The following FABP9 variants were observed in gnomAD, a reference collection of about 807,000 sequenced individuals.
FABP9 encodes the protein fatty acid-binding protein 9.
A neutral mutation model predicts 14.7 loss-of-function variants in FABP9; 11 were observed. That is an observed-to-expected ratio of 0.75 (90% CI 0.47 to 1.24). FABP9 has a LOEUF of 1.24. FABP9 is among the 50% of genes most tolerant of loss of function. The pLI is 0.00. For synonymous variants in FABP9, 54 were observed against 50.6 expected, an observed-to-expected ratio of 1.07 and a Z score of -0.29; for missense variants, 171 against 158.2, an observed-to-expected ratio of 1.08 and a Z score of -0.44.
intron 1 of FABP9, among the ~76,000 whole-genome samples, chr8:81,460,143 G>A (rs1203842248): frequency 6.6e-6 from 1 of 152,098 alleles, no homozygotes; most frequent in Admixed American, 6.6e-5. Flanking sequence ...GGGATTACAG[G>A]CACATGCCAC....
chr8:81,460,031 G>A (rs528841143), intron 1 of FABP9, among the ~76,000 whole-genome samples: 21 of 151,700 alleles, frequency 1.4e-4, no homozygotes, highest in East Asian at 9.7e-4. Context: ...ACAGAGTCTC[G>A]CTATGTTGCC....
At chr8:81,459,137 T>C (rs1807645914) in intron 2 of FABP9, 28 bp downstream of exon 2, 3 of 1,558,892 alleles carry the variant, frequency 1.9e-6, no homozygotes, top group Non-Finnish European at 2.6e-6. Flanking sequence ...TTCCTGATTG[T>C]TGAACACCAG....
rs980743160 is a variant in FABP9 at position 81,459,160 on chromosome 8, C to T, written c.246+5G>A. ...TGTTGAACACCAGGAAGAATTAGTT[C>T]TGACCTTTACTTTCCGGTTGTCTGC... On this transcript the variant is annotated splice_donor_5th_base_variant and intron_variant, in intron 2 of 3. Coordinates refer to ENST00000379071, the MANE Select transcript of FABP9 (RefSeq NM_001080526.2). The T allele has an allele frequency of 1.3e-5, 20 of 1,583,648 alleles. No individual in the cohort carries two copies. The highest frequency in any genetic ancestry group is 1.5e-5 in the Non-Finnish European group (17 of 1,170,392).
chr8:81,461,536 G>T lies in FABP9; in HGVS notation c.-13C>A, dbSNP rs761964255. Reference sequence around the variant, plus strand: ...AGGGCTCAACCATCATGGAACACTTGCTGAGAAGAGCCACTCGTAATTGAA... The same window carrying T: ...AGGGCTCAACCATCATGGAACACTTTCTGAGAAGAGCCACTCGTAATTGAA... On this transcript the variant is annotated 5_prime_UTR_variant, in exon 1 of 4. Transcript: ENST00000379071. The T allele has an allele frequency of 6.2e-7, 1 of 1,604,330 alleles. No homozygotes were observed. The highest frequency in any genetic ancestry group is 8.5e-7 in the Non-Finnish European group (1 of 1,171,300).
rs904186932 is a variant in FABP9 at position 81,459,323 on chromosome 8, C to T, written c.88G>A (p.Ala30Thr). The stretch of plus-strand genomic sequence containing the variant: ...TTCACTAACCCTGCCATGTTCCGGG[C>T]TGCGAAATTCACTCCTACAAGACAG... ...YMKELGVNFA[A>T]RNMAGLVKPT... Residue 30 changes from alanine to threonine, a missense_variant, in exon 2 of 4, where the codon GCC becomes ACC. Physicochemically the swap from Ala to Thr is moderately conservative, Grantham distance 58 (BLOSUM62 0). Coordinates refer to ENST00000379071, the MANE Select transcript of FABP9 (RefSeq NM_001080526.2). The T allele has an allele frequency of 4.6e-6, 7 of 1,528,858 alleles. No homozygotes were observed. In the African/African-American group the frequency reaches 7.3e-5, roughly 16 times the overall value. The allele number at this position is 1,528,858 out of a possible 1,614,324, so 94.7% of individuals were successfully genotyped here. A position where few individuals can be genotyped will look rare whatever the true frequency, so the allele number is the denominator to read the frequency against.
At chr8:81,459,020 GC>G in intron 2 of FABP9, 144 bp downstream of exon 2, 1 of 689,830 alleles carries the variant, frequency 1.4e-6, no homozygotes, top group Non-Finnish European at 2.4e-6. Flanking sequence ...AAAATAATTA[GC>G]AAAAGGATTA....
At chr8:81,458,743 C>G in intron 2 of FABP9, 40 bp from the exon 3 acceptor site, 1 of 1,310,520 alleles carries the variant, frequency 7.6e-7, no homozygotes, top group Middle Eastern at 1.8e-4. Flanking sequence ...CAACTCACTA[C>G]CTTCTAACCT....
At position 81,458,566 on chromosome 8, in the gene FABP9, G is replaced by A. The variant is rs776405721; in HGVS notation, c.348+36C>T. ...TAACTTGAAAGGCATGTATCAAATA[G>A]GAACATATAAAGACTTCAATTTAAA... On this transcript the variant is annotated intron_variant, in intron 3 of 3. Coordinates refer to ENST00000379071, the MANE Select transcript of FABP9 (RefSeq NM_001080526.2). 2.0e-6 allele frequency: 3 copies of A among 1,523,334 alleles called. No homozygotes were observed. In the African/African-American group the frequency reaches 4.1e-5, roughly 21 times the overall value. 94.4% of individuals were successfully genotyped at this position (1,523,334 alleles called of 1,614,324 possible). A position where few individuals can be genotyped will look rare whatever the true frequency, so the allele number is the denominator to read the frequency against.
chr8:81,459,973 T>C (rs1227507094), intron 1 of FABP9, among the ~76,000 whole-genome samples: 1 of 135,312 alleles, frequency 7.4e-6, no homozygotes, highest in Non-Finnish European at 1.5e-5. Context: ...ATACTTGACC[T>C]CGCAAGTTTT....
In FABP9 at chr8:81,458,654, A is replaced by C; in HGVS notation, c.296T>G (p.Leu99Arg). The C allele has an allele frequency of 6.2e-7, 1 of 1,613,924 alleles. No individual in the cohort carries two copies. Among genetic ancestry groups the C allele is most frequent in the Non-Finnish European group, 8.5e-7 (1 of 1,179,916 alleles). Residue 99 changes from leucine (L) to arginine (R), a missense_variant, in exon 3 of 4, where the codon CTT becomes CGT. Physicochemically the swap from Leu to Arg is moderately radical, Grantham distance 102. Transcript: ENST00000379071. Reference protein sequence around the residue: ...NGSMIHVQKWLGKETTIKRKI... With the variant: ...NGSMIHVQKWRGKETTIKRKI... ...TCTTTTGATTGTTGTCTCTTTGCCA[A>C]GCCATTTTTGGACGTGAATCATTGA...
rs1423151013 is a variant in FABP9 at position 81,459,212 on chromosome 8, G to A, written c.199C>T (p.Leu67=). 6.3e-7 allele frequency: 1 copy of A among 1,590,652 alleles called. No homozygotes were observed. ...SFQDTKISFK[L]GEEFDETTAD... is the part of the protein sequence containing the mutation. ...GTAGTTTCATCAAATTCTTCCCCCA[G>A]CTTGAAGGAGATCTTAGTGTCCTGG... Residue 67 remains leucine, a synonymous_variant, in exon 2 of 4, where the codon CTG becomes TTG. Transcript: ENST00000379071.
Position 81,461,531 on chromosome 8 carries a change from C to G in FABP9, c.-8G>C, listed in dbSNP as rs769269934. 40 of 1,611,642 alleles carry G rather than the reference C, an allele frequency of 2.5e-5. No individual in the cohort carries two copies. The highest frequency in any genetic ancestry group is 3.3e-5 in the Non-Finnish European group (39 of 1,177,846). Reference sequence around the variant, plus strand: ...CAAGAAGGGCTCAACCATCATGGAACACTTGCTGAGAAGAGCCACTCGTAA... The same window carrying G: ...CAAGAAGGGCTCAACCATCATGGAAGACTTGCTGAGAAGAGCCACTCGTAA... On this transcript the variant is annotated 5_prime_UTR_variant, in exon 1 of 4. Coordinates refer to ENST00000379071, the MANE Select transcript of FABP9 (RefSeq NM_001080526.2).
At chr8:81,459,452 T>A (rs1251184511) in intron 1 of FABP9, 115 bp from the exon 2 acceptor site, 2 of 903,032 alleles carry the variant, frequency 2.2e-6, no homozygotes, top group African/African-American at 1.8e-5. Context: ...TAATGTATAG[T>A]AACTTATTTT....
chr8:81,461,078 T>G (rs1807684549), intron 1 of FABP9, among the ~76,000 whole-genome samples: 1 of 152,208 alleles, frequency 6.6e-6, no homozygotes, highest in Non-Finnish European at 1.5e-5. Context: ...GAAACAAATT[T>G]AATTGATCAA....
intron 2 of FABP9, 54 bp from the exon 3 acceptor site, chr8:81,458,757 T>A: frequency 8.9e-7 from 1 of 1,126,448 alleles, no homozygotes; most frequent in Non-Finnish European, 1.3e-6. Context: ...CTAACCTACA[T>A]GAGACCACAT....
At chr8:81,458,776 T>C (rs980308300) in intron 2 of FABP9, 73 bp from the exon 3 acceptor site, 2 of 1,013,550 alleles carry the variant, frequency 2.0e-6, no homozygotes, top group African/African-American at 3.3e-5. Context: ...ATATCTACTT[T>C]TTAATTTCTA....
At chr8:81,459,648 G>T (rs1340773662) in intron 1 of FABP9, among the ~76,000 whole-genome samples, 1 of 152,150 alleles carries the variant, frequency 6.6e-6, no homozygotes, top group Non-Finnish European at 1.5e-5. Context: ...TAACCTTGTG[G>T]GTGCGGGAGG....
chr8:81,458,712 G>A lies in FABP9; in HGVS notation c.247-9C>T. The A allele has an allele frequency of 6.3e-7, 1 of 1,593,842 alleles. No individual in the cohort carries two copies. The highest frequency in any genetic ancestry group is 8.6e-7 in the Non-Finnish European group (1 of 1,163,242). ...TCTAATGTTATGGTGCTCTATAAAT[G>A]CATAAAGAAATCAGAAGTAGCAACT... On this transcript the variant is annotated splice_polypyrimidine_tract_variant and intron_variant, in intron 2 of 3. Transcript: ENST00000379071.
chr8:81,459,783 T>G (rs1807660148), intron 1 of FABP9, among the ~76,000 whole-genome samples: 1 of 152,124 alleles, frequency 6.6e-6, no homozygotes, highest in Admixed American at 6.5e-5. Flanking sequence ...CCATTTCACA[T>G]TTAGATTGTG....
Sources: gnomAD v4.1 joint callset for allele counts (sites outside exome capture counted in the v4.1 genomes callset) on GRCh38, gnomAD v4.1.1 for gene constraint, MANE v1.5 for transcripts, NCBI Gene and HGNC (gene_info 2026-07-23, HGNC 2026-07-21) for gene names.